Variants in CHN1 observed in about 807,000 individuals in gnomAD.
CHN1 encodes the protein chimerin 1.
Under a neutral mutation model 59.5 loss-of-function variants are expected in CHN1, and 37 were observed. That is an observed-to-expected ratio of 0.62 (90% CI 0.48 to 0.82). CHN1 has a LOEUF of 0.82. Ranked by LOEUF, CHN1 falls within the 40% of genes least tolerant of loss-of-function variation. The pLI is 0.00. For missense variants in CHN1, 469 were observed against 571.0 expected, an observed-to-expected ratio of 0.82 and a Z score of 1.82; for synonymous variants, 206 against 200.4, an observed-to-expected ratio of 1.03 and a Z score of -0.24.
At chr2:174,924,885 G>C (rs959408550) in intron 3 of CHN1, among the ~76,000 whole-genome samples, 3 of 152,098 alleles carry the variant, frequency 2.0e-5, no homozygotes, top group African/African-American at 7.2e-5. Flanking sequence ...ATTAAAACTG[G>C]TTGAACTCAA....
intron 6 of CHN1, among the ~76,000 whole-genome samples, chr2:174,870,292 A>C (rs557856609): frequency 6.6e-6 from 1 of 152,194 alleles, no homozygotes; most frequent in Non-Finnish European, 1.5e-5. Flanking sequence ...CCGTTACTGC[A>C]ATATAATGTC....
intron 1 of CHN1, among the ~76,000 whole-genome samples, chr2:174,959,634 C>G (rs1690335421): frequency 6.6e-6 from 1 of 152,150 alleles, no homozygotes; most frequent in Admixed American, 6.5e-5. Context: ...CCAAGTCCCA[C>G]TGGCAAGAAG....
intron 2 of CHN1, among the ~76,000 whole-genome samples, chr2:174,949,877 C>T (rs1263717718): frequency 6.6e-6 from 1 of 152,132 alleles, no homozygotes; most frequent in African/African-American, 2.4e-5. Flanking sequence ...ATTTCCTACA[C>T]ATTTCTACTG....
At chr2:174,817,694 G>C (rs1425135274) in intron 8 of CHN1, among the ~76,000 whole-genome samples, 1 of 148,838 alleles carries the variant, frequency 6.7e-6, no homozygotes, top group East Asian at 2.0e-4. Context: ...CTGGAGTGCA[G>C]TGGCGCGATC....
intron 7 of CHN1, among the ~76,000 whole-genome samples, chr2:174,833,507 C>T (rs1299728772): frequency 6.6e-6 from 1 of 151,928 alleles, no homozygotes; most frequent in Non-Finnish European, 1.5e-5. Flanking sequence ...TTTTCTTTCA[C>T]TTCTCTCTGT....
At chr2:174,804,299 G>A (rs1684818660) in intron 11 of CHN1, among the ~76,000 whole-genome samples, 5 of 152,154 alleles carry the variant, frequency 3.3e-5, no homozygotes, top group Admixed American at 3.3e-4. Flanking sequence ...TGTGGCTGCA[G>A]TAGAGTGAGT....
chr2:174,844,216 A>G (rs1008608599), intron 7 of CHN1, among the ~76,000 whole-genome samples: 2 of 150,048 alleles, frequency 1.3e-5, no homozygotes, highest in Non-Finnish European at 3.0e-5. Flanking sequence ...AAAAAAAGAG[A>G]CCATGTTACA....
At chr2:174,997,205 A>C (rs1215334234) in intron 1 of CHN1, among the ~76,000 whole-genome samples, 2 of 152,100 alleles carry the variant, frequency 1.3e-5, no homozygotes, top group African/African-American at 4.8e-5. Context: ...AAATTATAGA[A>C]CAGTACTCAT....
intron 1 of CHN1, among the ~76,000 whole-genome samples, chr2:174,972,494 T>C (rs1236679971): frequency 1.3e-5 from 2 of 152,186 alleles, no homozygotes; most frequent in Non-Finnish European, 1.5e-5. Context: ...ACACTTCCTG[T>C]AATATTTAGT....
intron 7 of CHN1, among the ~76,000 whole-genome samples, chr2:174,840,800 A>T (rs373570464): frequency 1.3e-5 from 2 of 152,310 alleles, no homozygotes; most frequent in South Asian, 2.1e-4. Flanking sequence ...GAAAGAGCCA[A>T]TCTTTTCAGG....
intron 8 of CHN1, among the ~76,000 whole-genome samples, chr2:174,824,068 G>T (rs1045503165): frequency 1.3e-5 from 2 of 152,078 alleles, no homozygotes; most frequent in Non-Finnish European, 2.9e-5. Context: ...ACAATCATAG[G>T]TCCCTGTACA....
At chr2:174,892,783 C>T (rs190868270) in intron 5 of CHN1, among the ~76,000 whole-genome samples, 44 of 152,198 alleles carry the variant, frequency 2.9e-4, no homozygotes, top group Middle Eastern at 3.4e-3. Context: ...GTGAAATTTA[C>T]CCCGGGGATG....
chr2:174,887,295 T>C (rs764230172), intron 5 of CHN1, among the ~76,000 whole-genome samples: 1 of 151,854 alleles, frequency 6.6e-6, no homozygotes, highest in Non-Finnish European at 1.5e-5. Context: ...ACCTATTAGA[T>C]GAAAAAAAGA....
chr2:174,860,530 T>C lies in CHN1; in HGVS notation c.550-13573A>G, dbSNP rs372549769. On this transcript the variant is annotated intron_variant, in intron 6 of 12. Coordinates refer to ENST00000409900, the MANE Select transcript of CHN1 (RefSeq NM_001822.7). ...ATGTACAATACTAAGTGCTCATAAA[T>C]AGTTTTCACTCAGCATACATTTTAT... Among the ~76,000 whole-genome samples, 13 of 152,188 alleles carry C rather than the reference T, an allele frequency of 8.5e-5. 1 individual carries two copies. The East Asian group carries it at 1.2e-3, about 14-fold the overall frequency.
At chr2:174,913,137 T>C (rs1688748391) in intron 5 of CHN1, among the ~76,000 whole-genome samples, 2 of 152,186 alleles carry the variant, frequency 1.3e-5, no homozygotes, top group Admixed American at 1.3e-4. Flanking sequence ...GTGACAGATA[T>C]AAGATGACAG....
chr2:174,993,484 C>T (rs148539523), intron 1 of CHN1, among the ~76,000 whole-genome samples: 137 of 151,968 alleles, frequency 9.0e-4, no homozygotes, highest in African/African-American at 3.0e-3. Context: ...TCTGTGGCAC[C>T]GTGGCTGGGA....
intron 8 of CHN1, among the ~76,000 whole-genome samples, chr2:174,817,300 T>A (rs753386357): frequency 2.7e-4 from 41 of 152,346 alleles, no homozygotes; most frequent in Non-Finnish European, 4.6e-4. Context: ...GCAGGGTTTT[T>A]AAAATGCAGT....
intron 8 of CHN1, among the ~76,000 whole-genome samples, chr2:174,816,300 G>A (rs1363192115): frequency 6.6e-6 from 1 of 152,208 alleles, no homozygotes; most frequent in Non-Finnish European, 1.5e-5. Flanking sequence ...GGAATGGAAG[G>A]AAGCTAGAGT....
chr2:174,923,077 C>T (rs1466185159), intron 3 of CHN1, among the ~76,000 whole-genome samples: 1 of 152,068 alleles, frequency 6.6e-6, no homozygotes, highest in Non-Finnish European at 1.5e-5. Context: ...AATATCATAA[C>T]TCTTAAAGAA....
Sources: allele counts gnomAD v4.1 joint callset (sites outside exome capture counted in the v4.1 genomes callset), GRCh38; gene constraint gnomAD v4.1.1; transcripts MANE v1.5; gene names NCBI Gene and HGNC (gene_info 2026-07-23, HGNC 2026-07-21).